Variants in SRGAP1 observed in about 807,000 individuals in gnomAD.
SRGAP1 encodes the protein SLIT-ROBO Rho GTPase-activating protein 1.
Under a neutral mutation model 121.9 loss-of-function variants are expected in SRGAP1, and 43 were observed. The observed-to-expected ratio is 0.35, with a 90% CI of 0.28 to 0.46. SRGAP1 has a LOEUF of 0.46. Among genes scored for constraint, SRGAP1 ranks in the 20% least tolerant of loss-of-function variants. The pLI is 1.00. For synonymous variants in SRGAP1, 447 were observed against 485.4 expected (o/e 0.92, Z 1.04); for missense variants, 1,102 against 1,350.9 (o/e 0.82, Z 2.89).
At chr12:63,966,527 A>C (rs1337846808) in intron 1 of SRGAP1, among the ~76,000 whole-genome samples, 1 of 152,116 alleles carries the variant, frequency 6.6e-6, no homozygotes, top group Non-Finnish European at 1.5e-5. Context: ...TTCACATTGG[A>C]TCAAGTTTTC....
intron 1 of SRGAP1, among the ~76,000 whole-genome samples, chr12:63,890,166 C>T (rs1222392900): frequency 6.6e-6 from 1 of 152,160 alleles, no homozygotes; most frequent in Non-Finnish European, 1.5e-5. Context: ...CACCGTTATT[C>T]TTAGCTCACA....
rs188009579 is a variant in SRGAP1, at chr12:63,864,559, A to T, written c.67+19676A>T. On this transcript the variant is annotated intron_variant, in intron 1 of 21. Coordinates refer to ENST00000355086, the MANE Select transcript of SRGAP1 (RefSeq NM_020762.4). ...TCTGCCTTACTTTCCTTGCCATTAAAATAGTGATAATGATAGTACCCATTT... is the reference window on the plus strand; with the variant it reads ...TCTGCCTTACTTTCCTTGCCATTAATATAGTGATAATGATAGTACCCATTT... Among the ~76,000 whole-genome samples, 350 of 152,300 alleles carry T rather than the reference A, an allele frequency of 2.3e-3. 3 individuals are homozygous for T. The highest frequency in any genetic ancestry group is 2.0e-3 in the Non-Finnish European group (133 of 68,030).
chr12:63,886,187 A>T (rs2136291498), intron 1 of SRGAP1, among the ~76,000 whole-genome samples: 1 of 152,202 alleles, frequency 6.6e-6, no homozygotes, highest in South Asian at 2.1e-4. Flanking sequence ...CAGCCTCTTG[A>T]GTAGCTGGGG....
At chr12:64,079,627 A>G (rs190627745) in intron 9 of SRGAP1, among the ~76,000 whole-genome samples, 1 of 152,018 alleles carries the variant, frequency 6.6e-6, no homozygotes. Context: ...CAGAGGTTGC[A>G]GTGAGCTGAG....
chr12:63,849,914 C>T (rs563940925), intron 1 of SRGAP1, among the ~76,000 whole-genome samples: 6 of 152,146 alleles, frequency 3.9e-5, no homozygotes, highest in Non-Finnish European at 8.8e-5. Flanking sequence ...GGAGATAGAA[C>T]AGTTACCTAT....
In SRGAP1 at chr12:64,126,046, A is replaced by G. The variant is rs2036682214; in HGVS notation, c.2294A>G (p.Lys765Arg). 6.2e-7 allele frequency: 1 copy of G among 1,614,186 alleles called. No homozygotes were observed. Among genetic ancestry groups the G allele is most frequent in the African/African-American group, 1.3e-5 (1 of 75,056 alleles). Residue 765 changes from lysine to arginine, a missense_variant, in exon 19 of 22, where the codon AAG becomes AGG. Lys to Arg is a conservative substitution (Grantham distance 26). This residue lies in a region of SRGAP1 where 747 missense variants were observed against 929.4 expected (regional missense o/e 0.80). Transcript: ENST00000355086. The part of the protein sequence containing the change: ...VGRSARELSF[K>R]KGASLLLYHR... Reference sequence around the variant, plus strand: ...CGGTCTGCCAGAGAACTATCCTTCAAGAAGGGTGCCTCCCTGCTGCTGTAT... The same window carrying G: ...CGGTCTGCCAGAGAACTATCCTTCAGGAAGGGTGCCTCCCTGCTGCTGTAT...
chr12:63,987,229 A>G (rs562628899), intron 2 of SRGAP1, among the ~76,000 whole-genome samples: 1 of 152,188 alleles, frequency 6.6e-6, no homozygotes, highest in Non-Finnish European at 1.5e-5. Flanking sequence ...CATTTAAGCT[A>G]TATTCTGGAG....
intron 2 of SRGAP1, among the ~76,000 whole-genome samples, chr12:63,988,456 G>T (rs1164127976): frequency 1.3e-5 from 2 of 152,190 alleles, no homozygotes; most frequent in East Asian, 1.9e-4. Flanking sequence ...TAATTCTTCA[G>T]TGTGCCAATG....
intron 14 of SRGAP1, among the ~76,000 whole-genome samples, chr12:64,096,440 T>G (rs2036156445): frequency 6.6e-6 from 1 of 152,180 alleles, no homozygotes; most frequent in African/African-American, 2.4e-5. Context: ...GAATTTGATT[T>G]AAGGTTGTAT....
At chr12:64,086,737 AAAAAAC>A (rs1444545073) in intron 10 of SRGAP1, among the ~76,000 whole-genome samples, 11 of 151,690 alleles carry the variant, frequency 7.3e-5, no homozygotes, top group African/African-American at 2.7e-4. Flanking sequence ...AAAAAAAAAA[AAAAAAC>A]ACAGCCTCAA....
intron 1 of SRGAP1, among the ~76,000 whole-genome samples, chr12:63,896,205 C>T (rs1900748954): frequency 6.6e-6 from 1 of 152,114 alleles, no homozygotes; most frequent in African/African-American, 2.4e-5. Context: ...ATGTACTTGG[C>T]CTAGTGGCTA....
At chr12:64,130,976 T>C (rs2036775856) in intron 21 of SRGAP1, among the ~76,000 whole-genome samples, 1 of 152,218 alleles carries the variant, frequency 6.6e-6, no homozygotes, top group Non-Finnish European at 1.5e-5. Context: ...GAGGGCTGTG[T>C]TGGCTTCTGC....
At chr12:63,941,921 G>A (rs1341811017) in intron 1 of SRGAP1, among the ~76,000 whole-genome samples, 1 of 151,968 alleles carries the variant, frequency 6.6e-6, no homozygotes, top group African/African-American at 2.4e-5. Context: ...GGGATCATGT[G>A]GTTTGGAAAT....
In SRGAP1 at chr12:64,157,429, T is replaced by C. The variant is rs924815707; in HGVS notation, c.*14757T>C. 7 of 150,836 alleles carry C rather than the reference T, an allele frequency of 4.6e-5. No individual in the cohort carries two copies. The highest frequency in any genetic ancestry group is 1.2e-4 in the African/African-American group (5 of 41,194). The allele number at this position is 150,836 out of a possible 1,614,324, so 9.3% of individuals were successfully genotyped here. ...TAGGCTCCTTCCATTTTTTTGTCGC[T>C]GCCACACTGGAAATGGGATAGAATA... is the stretch of plus-strand genomic sequence containing the variant. On this transcript the variant is annotated 3_prime_UTR_variant, in exon 22 of 22. Coordinates refer to ENST00000355086, the MANE Select transcript of SRGAP1 (RefSeq NM_020762.4).
intron 1 of SRGAP1, among the ~76,000 whole-genome samples, chr12:63,926,308 GCTATT>G (rs2031257396): frequency 1.3e-5 from 2 of 152,100 alleles, no homozygotes; most frequent in South Asian, 4.1e-4. Context: ...TGGGTGCTGT[GCTATT>G]CTATTCAGAC....
At chr12:64,028,227 A>T (rs2034696481) in intron 4 of SRGAP1, among the ~76,000 whole-genome samples, 1 of 152,192 alleles carries the variant, frequency 6.6e-6, no homozygotes, top group African/African-American at 2.4e-5. Context: ...AAACTCTTGG[A>T]TATTTCTTTC....
chr12:64,066,965 A>T (rs2035552078), intron 8 of SRGAP1, among the ~76,000 whole-genome samples: 2 of 152,324 alleles, frequency 1.3e-5, no homozygotes, highest in South Asian at 4.1e-4. Context: ...TTATACACAA[A>T]GTCAAAACTG....
intron 18 of SRGAP1, among the ~76,000 whole-genome samples, chr12:64,123,571 T>C (rs2036636617): frequency 6.6e-6 from 1 of 152,188 alleles, no homozygotes; most frequent in Non-Finnish European, 1.5e-5. Flanking sequence ...TTATATTGTT[T>C]TGGTAAAATA....
At chr12:64,034,124 A>G (rs2034846770) in intron 4 of SRGAP1, among the ~76,000 whole-genome samples, 1 of 152,208 alleles carries the variant, frequency 6.6e-6, no homozygotes, top group Non-Finnish European at 1.5e-5. Flanking sequence ...GTTGAATTGT[A>G]ATACCCAGTG....
Sources: gnomAD v4.1 joint callset for allele counts (sites outside exome capture counted in the v4.1 genomes callset) on GRCh38, gnomAD v4.1.1 for gene constraint, gnomAD v4.1.1 regional missense constraint, MANE v1.5 for transcripts, NCBI Gene and HGNC (gene_info 2026-07-23, HGNC 2026-07-21) for gene names.